NUDCD3: variants seen among roughly 807,000 people sequenced by gnomAD.
The protein encoded by NUDCD3 is NudC domain containing 3.
NUDCD3 carries 13 observed loss-of-function variants against 39.7 expected under a neutral mutation model. That is an observed-to-expected ratio of 0.33 (90% CI 0.21 to 0.52). NUDCD3 has a LOEUF of 0.52. NUDCD3 is among the 20% of genes least tolerant of loss of function. The pLI is 0.96. For synonymous variants in NUDCD3, 175 were observed against 172.4 expected, an observed-to-expected ratio of 1.02 and a Z score of -0.12; for missense variants, 453 against 458.1, an observed-to-expected ratio of 0.99 and a Z score of 0.10.
At chr7:44,388,140 A>T (rs1798431975) in intron 5 of NUDCD3, among the ~76,000 whole-genome samples, 1 of 152,280 alleles carries the variant, frequency 6.6e-6, no homozygotes, top group Non-Finnish European at 1.5e-5. Flanking sequence ...AATACACAGC[A>T]TCTGTGGCAT....
intron 3 of NUDCD3, among the ~76,000 whole-genome samples, chr7:44,411,788 T>C (rs1318748486): frequency 6.6e-6 from 1 of 152,236 alleles, no homozygotes; most frequent in Admixed American, 6.5e-5. Flanking sequence ...ATTCCACCCA[T>C]AGGTATATAC....
chr7:44,382,761 C>T lies in NUDCD3; in HGVS notation c.*3250G>A, dbSNP rs1206665122. ...TCCCTTCCCCAGCTGAGCTGGCTGC[C>T]AACAGGCCCAGTGGAGAGCAGATTT... On this transcript the variant is annotated 3_prime_UTR_variant, in exon 6 of 6. Transcript: ENST00000355451. 6.6e-6 allele frequency: 1 copy of T among 152,374 alleles called. No homozygotes were observed. Among genetic ancestry groups the T allele is most frequent in the Non-Finnish European group, 1.5e-5 (1 of 68,172 alleles). 9.4% of individuals were successfully genotyped at this position (152,374 alleles called of 1,614,324 possible).
chr7:44,475,886 A>G (rs1800358091), intron 2 of NUDCD3, among the ~76,000 whole-genome samples: 1 of 152,228 alleles, frequency 6.6e-6, no homozygotes, highest in African/African-American at 2.4e-5. Flanking sequence ...TATTTTCCAA[A>G]TATTGTACAT....
intron 2 of NUDCD3, among the ~76,000 whole-genome samples, chr7:44,457,017 A>G (rs944514491): frequency 2.0e-5 from 3 of 151,100 alleles, no homozygotes; most frequent in Non-Finnish European, 4.4e-5. Context: ...TTACCCAGAT[A>G]TAACCTGGTT....
At chr7:44,475,328 T>A (rs540686913) in intron 2 of NUDCD3, among the ~76,000 whole-genome samples, 1 of 152,232 alleles carries the variant, frequency 6.6e-6, no homozygotes, top group South Asian at 2.1e-4. Flanking sequence ...GCCAGGCTGG[T>A]CTACATCACA....
At chr7:44,402,863 C>T in intron 4 of NUDCD3, 1 of 348,710 alleles carries the variant, frequency 2.9e-6, no homozygotes, top group Non-Finnish European at 5.8e-6. Flanking sequence ...GCTAGCCGGC[C>T]CCAGTACTAC....
At chr7:44,389,985 AG>A (rs1255556962) in intron 5 of NUDCD3, among the ~76,000 whole-genome samples, 1 of 152,218 alleles carries the variant, frequency 6.6e-6, no homozygotes, top group Non-Finnish European at 1.5e-5. Flanking sequence ...AAGTTCTGTA[AG>A]AGATACAATC....
At chr7:44,474,370 T>C (rs2116969329) in intron 2 of NUDCD3, among the ~76,000 whole-genome samples, 1 of 152,348 alleles carries the variant, frequency 6.6e-6, no homozygotes, top group African/African-American at 2.4e-5. Context: ...CACGAGGTAG[T>C]TCTGCTTCAA....
intron 3 of NUDCD3, among the ~76,000 whole-genome samples, chr7:44,412,854 G>C (rs917162070): frequency 1.1e-4 from 16 of 151,264 alleles, no homozygotes; most frequent in African/African-American, 3.9e-4. Context: ...GTGAACCCAG[G>C]GGGCGGAGCT....
chr7:44,415,309 T>C (rs1798999379), intron 3 of NUDCD3, among the ~76,000 whole-genome samples: 1 of 152,218 alleles, frequency 6.6e-6, no homozygotes, highest in African/African-American at 2.4e-5. Context: ...CAAAGTTCCT[T>C]GTCTCTATTC....
intron 2 of NUDCD3, among the ~76,000 whole-genome samples, chr7:44,444,371 G>A (rs79443261): frequency 0.01 from 1,578 of 152,264 alleles, 69 homozygotes; most frequent in East Asian, 0.099. Flanking sequence ...AGACCTGTCC[G>A]AGGTGTCCCA....
chr7:44,381,725 A>C lies in NUDCD3; in HGVS notation c.*4286T>G, dbSNP rs536746207. 4.8e-4 allele frequency: 73 copies of C among 152,334 alleles called. No individual in the cohort carries two copies. The highest frequency in any genetic ancestry group is 1.6e-3 in the African/African-American group (66 of 41,534). 9.4% of individuals were successfully genotyped at this position (152,334 alleles called of 1,614,324 possible). On this transcript the variant is annotated 3_prime_UTR_variant, in exon 6 of 6. Coordinates refer to ENST00000355451, the MANE Select transcript of NUDCD3 (RefSeq NM_015332.4). ...AATAGCCTCAGCCCTGCCTGACAGG[A>C]GGCGGCATACACCTGAGCGCCTGAC... is the stretch of plus-strand genomic sequence containing the variant.
intron 2 of NUDCD3, among the ~76,000 whole-genome samples, chr7:44,443,174 C>T (rs1799624361): frequency 2.0e-5 from 3 of 152,100 alleles, no homozygotes; most frequent in South Asian, 4.1e-4. Flanking sequence ...ACAACCACAT[C>T]CAGCACAGTT....
chr7:44,414,884 T>C (rs887711257), intron 3 of NUDCD3, among the ~76,000 whole-genome samples: 6 of 152,140 alleles, frequency 3.9e-5, no homozygotes, highest in Non-Finnish European at 7.3e-5. Context: ...GGGGATCAGT[T>C]AGAGCCATAA....
chr7:44,401,002 C>A (rs976206442), intron 4 of NUDCD3, among the ~76,000 whole-genome samples: 2 of 152,328 alleles, frequency 1.3e-5, no homozygotes, highest in Non-Finnish European at 2.9e-5. Flanking sequence ...GGGTTGGGTA[C>A]TTAATGATAA....
At chr7:44,457,080 C>A (rs1205484008) in intron 2 of NUDCD3, among the ~76,000 whole-genome samples, 2 of 151,812 alleles carry the variant, frequency 1.3e-5, no homozygotes, top group African/African-American at 4.8e-5. Flanking sequence ...CAATCCCAGG[C>A]AAATCAAGGA....
At chr7:44,479,477 A>G (rs78082691) in intron 2 of NUDCD3, among the ~76,000 whole-genome samples, 5,686 of 152,334 alleles carry the variant, frequency 0.037, 180 homozygotes, top group East Asian at 0.13. Context: ...CTCTAAAAAA[A>G]TAAAATTCAA....
intron 2 of NUDCD3, among the ~76,000 whole-genome samples, chr7:44,431,762 T>A (rs1799369227): frequency 7.3e-6 from 1 of 137,808 alleles, no homozygotes; most frequent in South Asian, 2.5e-4. Flanking sequence ...AACCTTCACC[T>A]CCCAAGTTCA....
intron 4 of NUDCD3, among the ~76,000 whole-genome samples, chr7:44,394,639 C>T (rs1798588212): frequency 6.6e-6 from 1 of 152,212 alleles, no homozygotes; most frequent in Non-Finnish European, 1.5e-5. Flanking sequence ...ATACCATTAC[C>T]ATTTACCATA....
Sources: allele counts gnomAD v4.1 joint callset (sites outside exome capture counted in the v4.1 genomes callset), GRCh38; gene constraint gnomAD v4.1.1; transcripts MANE v1.5; gene names NCBI Gene and HGNC (gene_info 2026-07-23, HGNC 2026-07-21).